The following WSCD1 variants were observed in gnomAD, a reference collection of about 807,000 sequenced individuals.
The protein encoded by WSCD1 is WSC domain sialate O sulfotransferase 1, also known as sialate:O-sulfotransferase 1.
In WSCD1, 41 loss-of-function variants were observed where a neutral mutation model predicts 60.4. The observed-to-expected ratio is 0.68, with a 90% CI of 0.53 to 0.88. WSCD1 has a LOEUF of 0.88. Ranked by LOEUF, WSCD1 falls within the 40% of genes least tolerant of loss-of-function variation. The probability of loss-of-function intolerance (pLI) is 0.00; values close to 1 mark genes in which losing one functional copy is unlikely to be tolerated. For missense variants in WSCD1, 784 were observed against 796.2 expected (o/e 0.98, Z 0.18); for synonymous variants, 361 against 332.5 (o/e 1.09, Z -0.93).
Position 6,120,663 on chromosome 17 carries a change from A to T in WSCD1, c.*2A>T, listed in dbSNP as rs753075149. ...CCCAGGGAGTATGTGCCCAGATGAT[A>T]GGCCTGGCCCACGCCGCCGCCCCCG... On this transcript the variant is annotated 3_prime_UTR_variant, in exon 9 of 9. Transcript: ENST00000317744. 6.2e-7 allele frequency: 1 copy of T among 1,603,998 alleles called. No individual in the cohort carries two copies. Among genetic ancestry groups the T allele is most frequent in the African/African-American group, 1.3e-5 (1 of 74,728 alleles).
At chr17:6,079,071 C>T (rs1255683451) in intron 1 of WSCD1, among the ~76,000 whole-genome samples, 1 of 152,240 alleles carries the variant, frequency 6.6e-6, no homozygotes, top group Non-Finnish European at 1.5e-5. Context: ...GATCTCTGCT[C>T]TCCCCGAGGG....
intron 5 of WSCD1, among the ~76,000 whole-genome samples, chr17:6,104,170 A>T (rs1399212193): frequency 6.6e-6 from 1 of 152,118 alleles, no homozygotes; most frequent in Non-Finnish European, 1.5e-5. Flanking sequence ...AGGCTCCTAT[A>T]AACAACCAGC....
Position 6,091,962 on chromosome 17 carries a change from C to T in WSCD1, c.727+1457C>T, listed in dbSNP as rs192101079. The stretch of plus-strand genomic sequence containing the variant: ...ATGAGGTCAGGAGTTCGAGACCAGC[C>T]TGACCAACATGGTGAAAACCCGTCT... On this transcript the variant is annotated intron_variant, in intron 4 of 8. Coordinates refer to ENST00000317744, the MANE Select transcript of WSCD1 (RefSeq NM_015253.2). Among the ~76,000 whole-genome samples the T allele has an allele frequency of 3.8e-3, 577 of 152,228 alleles. 5 individuals are homozygous for T. The highest frequency in any genetic ancestry group is 6.4e-3 in the Non-Finnish European group (432 of 68,018).
chr17:6,094,808 A>AGGGAGGGAGGG (rs1343884638), intron 4 of WSCD1, among the ~76,000 whole-genome samples: 1 of 142,904 alleles, frequency 7.0e-6, no homozygotes, highest in African/African-American at 2.8e-5. Flanking sequence ...GGGAGGGAGG[A>AGGGAGGGAGGG]AGGGAGGAAG....
chr17:6,080,252 C>A lies in WSCD1; in HGVS notation c.-288-119C>A. ...GATTTAAACCTGGCTTTGTCCAGTGCTCCTGCAACACAGCTGGTCCTTGGA... is the reference window on the plus strand; with the variant it reads ...GATTTAAACCTGGCTTTGTCCAGTGATCCTGCAACACAGCTGGTCCTTGGA... On this transcript the variant is annotated intron_variant, in intron 1 of 8. Transcript: ENST00000317744. This position sits in a 1 kb window ranked among gnomAD's most constrained non-coding sequence, Gnocchi z 6.6. 4.6e-6 allele frequency: 1 copy of A among 218,504 alleles called. No homozygotes were observed. Among genetic ancestry groups the A allele is most frequent in the Non-Finnish European group, 9.0e-6 (1 of 111,604 alleles). The allele number at this position is 218,504 out of a possible 1,614,324, so 13.5% of individuals were successfully genotyped here.
intron 1 of WSCD1, among the ~76,000 whole-genome samples, chr17:6,070,915 G>T (rs1328981128): frequency 1.3e-5 from 2 of 151,632 alleles, no homozygotes; most frequent in Non-Finnish European, 2.9e-5. Context: ...GATGGGGTGG[G>T]GGTGCGCGAG....
Position 6,081,034 on chromosome 17 carries a change from G to GGACC in WSCD1, c.378_381dup (p.Pro128ThrfsTer25). On this transcript the variant is annotated frameshift_variant, in exon 2 of 9. Transcript: ENST00000317744. LOFTEE classifies it high-confidence loss of function. ...CCACCACTTCATGAGTGACTCCCAG[G>GGACC]GACCGCCCGCCCTGGGCCCCGAGGC... The GGACC allele has an allele frequency of 3.2e-6, 5 of 1,542,770 alleles. No individual in the cohort carries two copies. Among genetic ancestry groups the GGACC allele is most frequent in the Non-Finnish European group, 4.4e-6 (5 of 1,145,774 alleles).
chr17:6,120,894 G>C lies in WSCD1; in HGVS notation c.*233G>C. 3 of 567,120 alleles carry C rather than the reference G, an allele frequency of 5.3e-6. No homozygotes were observed. The highest frequency in any genetic ancestry group is 9.4e-6 in the Non-Finnish European group (3 of 320,070). 35.1% of individuals were successfully genotyped at this position (567,120 alleles called of 1,614,324 possible). On this transcript the variant is annotated 3_prime_UTR_variant, in exon 9 of 9. Transcript: ENST00000317744. ...GAACCCACACCTCCTCAGACACTCA[G>C]ACACCACTCCAGGCTCATAGCCCCG...
At chr17:6,092,554 A>G (rs912527167) in intron 4 of WSCD1, among the ~76,000 whole-genome samples, 14 of 152,246 alleles carry the variant, frequency 9.2e-5, no homozygotes, top group Admixed American at 9.2e-4. Flanking sequence ...GGGGTTTGCC[A>G]TGGCACGTGG....
intron 4 of WSCD1, among the ~76,000 whole-genome samples, chr17:6,092,634 T>C (rs1910134191): frequency 6.6e-6 from 1 of 152,208 alleles, no homozygotes; most frequent in Non-Finnish European, 1.5e-5. Flanking sequence ...CACGCTGGCT[T>C]CTTGGAGCTT....
chr17:6,108,507 A>G (rs1039650084), intron 5 of WSCD1, among the ~76,000 whole-genome samples: 8 of 152,056 alleles, frequency 5.3e-5, no homozygotes, highest in African/African-American at 1.9e-4. Context: ...TACATGTGGG[A>G]GAGGTGGGTG....
intron 4 of WSCD1, among the ~76,000 whole-genome samples, chr17:6,094,609 A>AAGGG (rs1555527786): frequency 2.7e-5 from 4 of 149,686 alleles, no homozygotes; most frequent in African/African-American, 9.8e-5. Context: ...GGAAGGAAGG[A>AAGGG]GAAGGAAGGA....
At chr17:6,087,863 A>C in intron 2 of WSCD1, 127 bp from the exon 3 acceptor site, 1 of 677,228 alleles carries the variant, frequency 1.5e-6, no homozygotes, top group Non-Finnish European at 2.6e-6. Flanking sequence ...GGTAGCCTGC[A>C]GCACTCATCT....
intron 8 of WSCD1, among the ~76,000 whole-genome samples, chr17:6,119,797 G>A (rs886471921): frequency 3.3e-5 from 5 of 152,158 alleles, no homozygotes; most frequent in Non-Finnish European, 7.3e-5. Flanking sequence ...CGTTTGAGGT[G>A]TGTTAATAGC....
At chr17:6,104,681 G>A (rs922636168) in intron 5 of WSCD1, among the ~76,000 whole-genome samples, 2 of 152,216 alleles carry the variant, frequency 1.3e-5, no homozygotes, top group African/African-American at 4.8e-5. Context: ...TGCCTCTGGA[G>A]TGAAGGGAAC....
chr17:6,106,192 TA>T (rs1911077627), intron 5 of WSCD1, among the ~76,000 whole-genome samples: 1 of 152,210 alleles, frequency 6.6e-6, no homozygotes, highest in Admixed American at 6.5e-5. Flanking sequence ...ACCAGGTAAG[TA>T]AATTATATAG....
At chr17:6,082,970 C>A (rs1324399406) in intron 2 of WSCD1, among the ~76,000 whole-genome samples, 1 of 152,124 alleles carries the variant, frequency 6.6e-6, no homozygotes, top group Non-Finnish European at 1.5e-5. Context: ...GAAGTTCCTT[C>A]AGAAATCATT....
intron 4 of WSCD1, 124 bp from the exon 5 acceptor site, chr17:6,094,978 A>G (rs2150550452): frequency 6.9e-6 from 10 of 1,443,798 alleles, no homozygotes; most frequent in Non-Finnish European, 9.2e-6. Flanking sequence ...TCCCTCCCTG[A>G]TTTGAACTCG....
At chr17:6,111,724 A>AAAG (rs1555528915) in intron 7 of WSCD1, among the ~76,000 whole-genome samples, 15 of 55,212 alleles carry the variant, frequency 2.7e-4, no homozygotes, top group East Asian at 5.1e-4. Context: ...AAAAAAAAAA[A>AAAG]GAGCAAGGAA....
Sources: gnomAD v4.1 joint callset for allele counts (sites outside exome capture counted in the v4.1 genomes callset) on GRCh38, gnomAD v4.1.1 for gene constraint, Gnocchi (gnomAD v3.1) non-coding constraint, MANE v1.5 for transcripts, NCBI Gene and HGNC (gene_info 2026-07-23, HGNC 2026-07-21) for gene names.